Variants in RAPGEF1 observed in about 807,000 individuals in gnomAD.
RAPGEF1 encodes the protein Rap guanine nucleotide exchange factor 1.
Under a neutral mutation model 143.3 loss-of-function variants are expected in RAPGEF1, and 33 were observed. That is an observed-to-expected ratio of 0.23 (90% CI 0.17 to 0.31). The LOEUF is 0.31. Ranked by LOEUF, RAPGEF1 falls within the 10% of genes least tolerant of loss-of-function variation. RAPGEF1 has a pLI of 1.00. For synonymous variants in RAPGEF1, 629 were observed against 676.5 expected, an observed-to-expected ratio of 0.93 and a Z score of 1.09; for missense variants, 1,199 against 1,645.4, an observed-to-expected ratio of 0.73 and a Z score of 4.69.
chr9:131,634,694 C>G (rs1588635175), intron 5 of RAPGEF1, among the ~76,000 whole-genome samples: 1 of 98,138 alleles, frequency 1.0e-5, no homozygotes, highest in Admixed American at 1.7e-4. Flanking sequence ...GCCTGGGCAA[C>G]AAGAGTGAGA....
At chr9:131,700,569 T>G (rs1287088840) in intron 1 of RAPGEF1, among the ~76,000 whole-genome samples, 5 of 152,252 alleles carry the variant, frequency 3.3e-5, no homozygotes, top group Non-Finnish European at 7.3e-5. Flanking sequence ...AAACATTTGT[T>G]GGATGAATGA....
In RAPGEF1 at chr9:131,584,625, C is replaced by G; in HGVS notation, c.3234-29G>C. On this transcript the variant is annotated intron_variant, in intron 22 of 26. Transcript: ENST00000683357. The surrounding 1 kb of genome is among the most constrained non-coding windows in gnomAD (Gnocchi z 6.8). Reference sequence around the variant, plus strand: ...CATGGACCAAGGGAAAAAGAAACAGCTGAGTTGACAAGTCCCTGCAGGTCC... The same window carrying G: ...CATGGACCAAGGGAAAAAGAAACAGGTGAGTTGACAAGTCCCTGCAGGTCC... The G allele has an allele frequency of 6.2e-7, 1 of 1,610,926 alleles. No homozygotes were observed. Among genetic ancestry groups the G allele is most frequent in the East Asian group, 2.2e-5 (1 of 44,864 alleles).
At chr9:131,642,158 T>C (rs137951205) in intron 4 of RAPGEF1, among the ~76,000 whole-genome samples, 39 of 152,300 alleles carry the variant, frequency 2.6e-4, no homozygotes, top group African/African-American at 9.4e-4. Context: ...CATTTAACAA[T>C]AAATACAGGA....
rs372245486 is a variant in RAPGEF1, at chr9:131,630,311, A to T, written c.665T>A (p.Leu222His). Residue 222 changes from leucine to histidine, a missense_variant, in exon 6 of 27, where the codon CTC (leucine) becomes CAC (histidine). Leu to His is a moderately conservative substitution (Grantham distance 99). This residue lies in a region of RAPGEF1 where 613 missense variants were observed against 710.9 expected (regional missense o/e 0.86). Coordinates refer to ENST00000683357, the MANE Select transcript of RAPGEF1 (RefSeq NM_001377935.1). ...VLDGVKELVR[L>H]TIEKQGRPSP... Reference sequence around the variant, plus strand: ...CGGACGTCCCTGCTTCTCGATGGTGAGCCTGACCAGCTCCTACCCCCACAA... The same window carrying T: ...CGGACGTCCCTGCTTCTCGATGGTGTGCCTGACCAGCTCCTACCCCCACAA... 1 of 1,613,752 alleles carries T rather than the reference A, an allele frequency of 6.2e-7. No individual in the cohort carries two copies. The highest frequency in any genetic ancestry group is 8.5e-7 in the Non-Finnish European group (1 of 1,179,806).
chr9:131,636,874 G>A (rs1394143269), intron 5 of RAPGEF1, among the ~76,000 whole-genome samples: 1 of 152,086 alleles, frequency 6.6e-6, no homozygotes, highest in Non-Finnish European at 1.5e-5. Context: ...AGCCACCCTG[G>A]GCTACATCCT....
At chr9:131,737,999 G>T (rs1267055011) in intron 1 of RAPGEF1, among the ~76,000 whole-genome samples, 1 of 151,596 alleles carries the variant, frequency 6.6e-6, no homozygotes, top group East Asian at 1.9e-4. Flanking sequence ...TTTTAAAGTA[G>T]CAATGAGGTC....
intron 1 of RAPGEF1, among the ~76,000 whole-genome samples, chr9:131,681,969 GA>G (rs1832949937): frequency 6.6e-6 from 1 of 152,136 alleles, no homozygotes; most frequent in Admixed American, 6.6e-5. Flanking sequence ...TGCTAATCCC[GA>G]CTGCCAGGCT....
chr9:131,656,200 C>A (rs927869763), intron 1 of RAPGEF1, among the ~76,000 whole-genome samples: 1 of 152,234 alleles, frequency 6.6e-6, no homozygotes, highest in Non-Finnish European at 1.5e-5. Context: ...TTCTGCAACA[C>A]TGAACATTTA....
At chr9:131,651,570 AAC>A (rs1223147018) in intron 1 of RAPGEF1, among the ~76,000 whole-genome samples, 1 of 152,232 alleles carries the variant, frequency 6.6e-6, no homozygotes, top group Admixed American at 6.5e-5. Context: ...CTCAGAAAAA[AAC>A]AGTTTTTGTG....
intron 1 of RAPGEF1, among the ~76,000 whole-genome samples, chr9:131,739,049 G>GGGGCCCCACA (rs1837587294): frequency 6.6e-6 from 1 of 152,134 alleles, no homozygotes; most frequent in Admixed American, 6.5e-5. Context: ...AATAAAGCCT[G>GGGGCCCCACA]GGGCCCCACA....
At chr9:131,716,864 G>C (rs1374334115) in intron 1 of RAPGEF1, among the ~76,000 whole-genome samples, 2 of 152,178 alleles carry the variant, frequency 1.3e-5, no homozygotes, top group East Asian at 3.8e-4. Context: ...AGGCCTTTTG[G>C]AGTCTGGCCC....
chr9:131,670,758 T>G (rs1831249095), intron 1 of RAPGEF1, among the ~76,000 whole-genome samples: 1 of 152,184 alleles, frequency 6.6e-6, no homozygotes, highest in African/African-American at 2.4e-5. Context: ...AAGACACTAT[T>G]TTTAAACAAC....
chr9:131,719,316 T>A (rs1421439372), intron 1 of RAPGEF1, among the ~76,000 whole-genome samples: 1 of 152,162 alleles, frequency 6.6e-6, no homozygotes, highest in Non-Finnish European at 1.5e-5. Context: ...GCTCATTAGA[T>A]CACTGTTGTT....
chr9:131,678,862 C>G (rs768663301), intron 1 of RAPGEF1, among the ~76,000 whole-genome samples: 6 of 152,182 alleles, frequency 3.9e-5, no homozygotes, highest in Admixed American at 6.5e-5. Context: ...CTTCAGAGAA[C>G]CAACAATCAA....
chr9:131,719,004 T>TTG (rs1004691413), intron 1 of RAPGEF1, among the ~76,000 whole-genome samples: 6 of 151,914 alleles, frequency 3.9e-5, no homozygotes, highest in African/African-American at 7.3e-5. Context: ...TTGTGGCTTT[T>TTG]TGTGTGTGTG....
chr9:131,698,002 A>AGAGTCAGCT (rs1261066116), intron 1 of RAPGEF1, among the ~76,000 whole-genome samples: 2 of 152,164 alleles, frequency 1.3e-5, no homozygotes, highest in Non-Finnish European at 1.5e-5. Flanking sequence ...TCTGGACAGG[A>AGAGTCAGCT]GAGTCAGCTG....
At chr9:131,629,014 G>A (rs976492520) in intron 7 of RAPGEF1, 88 bp downstream of exon 7, 40 of 1,512,490 alleles carry the variant, frequency 2.6e-5, no homozygotes, top group South Asian at 1.0e-4. Context: ...AGCCCTCAGC[G>A]CTGAGGGGAA....
chr9:131,584,590 C>T lies in RAPGEF1; in HGVS notation c.3240G>A (p.Arg1080=), dbSNP rs1163930612. The T allele has an allele frequency of 1.2e-6, 2 of 1,613,910 alleles. No individual in the cohort carries two copies. The highest frequency in any genetic ancestry group is 2.2e-5 in the South Asian group (2 of 91,090). Residue 1080 remains arginine (R), a synonymous_variant, in exon 23 of 27, where the codon CGG becomes CGA. Transcript: ENST00000683357. This position sits in a 1 kb window ranked among gnomAD's most constrained non-coding sequence, Gnocchi z 6.8. The part of the protein sequence containing the change: ...EHFNNMSYWV[R]SIIMLQEKAQ... ...CCTTTTCCTGTAACATGATTATGGACCGGACCCTGCATGGACCAAGGGAAA... is the reference window on the plus strand; with the variant it reads ...CCTTTTCCTGTAACATGATTATGGATCGGACCCTGCATGGACCAAGGGAAA...
At chr9:131,646,351 T>C (rs1055274313) in intron 3 of RAPGEF1, among the ~76,000 whole-genome samples, 3 of 152,156 alleles carry the variant, frequency 2.0e-5, no homozygotes, top group Non-Finnish European at 2.9e-5. Context: ...AGATCAGAAA[T>C]GTGCTGAAGT....
Sources: allele counts gnomAD v4.1 joint callset (sites outside exome capture counted in the v4.1 genomes callset), GRCh38; gene constraint gnomAD v4.1.1; regional missense constraint gnomAD v4.1.1; non-coding constraint Gnocchi (gnomAD v3.1); transcripts MANE v1.5; gene names NCBI Gene and HGNC (gene_info 2026-07-23, HGNC 2026-07-21).